LOC128092252: variants seen among roughly 807,000 people sequenced by gnomAD.
chr15:50,653,998 G>A, the LOC128092252 span, among the ~76,000 whole-genome samples: 1 of 151,990 alleles, frequency 6.6e-6, no homozygotes, highest in East Asian at 1.9e-4. Flanking sequence ...CCACATCCTA[G>A]GACTAAGTTC....
chr15:50,676,492 G>A, the LOC128092252 span, among the ~76,000 whole-genome samples: 3 of 152,082 alleles, frequency 2.0e-5, no homozygotes, highest in Non-Finnish European at 4.4e-5. Flanking sequence ...GCCAAGATGG[G>A]AGGACTGCTT....
the LOC128092252 span, among the ~76,000 whole-genome samples, chr15:50,652,058 T>G: frequency 6.0e-5 from 9 of 149,826 alleles, no homozygotes; most frequent in African/African-American, 2.0e-4. Context: ...ATGGGCCGGG[T>G]GCGGTGGCTC....
At chr15:50,679,513 TA>T in the LOC128092252 span, among the ~76,000 whole-genome samples, 1 of 61,878 alleles carries the variant, frequency 1.6e-5, no homozygotes, top group African/African-American at 1.0e-4. Flanking sequence ...ATATATATAA[TA>T]TATATATATA....
the LOC128092252 span, among the ~76,000 whole-genome samples, chr15:50,649,530 T>C: frequency 8.6e-5 from 13 of 151,616 alleles, no homozygotes; most frequent in East Asian, 2.5e-3. Flanking sequence ...AATGGATAAA[T>C]CTCAAAATCA....
the LOC128092252 span, among the ~76,000 whole-genome samples, chr15:50,656,485 T>C: frequency 6.6e-6 from 1 of 150,832 alleles, no homozygotes; most frequent in Non-Finnish European, 1.5e-5. Flanking sequence ...GCCAAGATTT[T>C]TGTGTGTGGT....
At chr15:50,652,328 C>CAAAA in the LOC128092252 span, among the ~76,000 whole-genome samples, 2 of 34,226 alleles carry the variant, frequency 5.8e-5, no homozygotes, top group African/African-American at 2.9e-4. Context: ...GACTCCATCT[C>CAAAA]AAAAAAAAAA....
chr15:50,685,446 G>A, the LOC128092252 span, among the ~76,000 whole-genome samples: 1 of 152,200 alleles, frequency 6.6e-6, no homozygotes, highest in African/African-American at 2.4e-5. Context: ...GACAGAGTGA[G>A]ACCCTGTCTC....
At chr15:50,652,328 CAAAAAAAAAA>C in the LOC128092252 span, among the ~76,000 whole-genome samples, 2 of 34,230 alleles carry the variant, frequency 5.8e-5, no homozygotes, top group Admixed American at 5.0e-4. Context: ...GACTCCATCT[CAAAAAAAAAA>C]AAAAAAAAAA....
the LOC128092252 span, among the ~76,000 whole-genome samples, chr15:50,670,862 G>C: frequency 3.5e-4 from 53 of 150,804 alleles, no homozygotes; most frequent in African/African-American, 1.3e-3. Context: ...CAACAACTCT[G>C]TGCCAAAACG....
chr15:50,663,111 C>T, the LOC128092252 span: 7 of 1,205,338 alleles, frequency 5.8e-6, no homozygotes, highest in Non-Finnish European at 8.4e-6. Context: ...GAAACAATTT[C>T]ATGATAAACA....
At chr15:50,657,801 T>C in the LOC128092252 span, 8 of 1,612,052 alleles carry the variant, frequency 5.0e-6, no homozygotes, top group African/African-American at 1.3e-5. Context: ...GCTGACAAAT[T>C]TGACATCCTG....
the LOC128092252 span, among the ~76,000 whole-genome samples, chr15:50,679,538 A>ATATATATTTTTTTTTTT: frequency 2.1e-4 from 9 of 43,892 alleles, no homozygotes; most frequent in African/African-American, 8.6e-4. Flanking sequence ...ATATATATAT[A>ATATATATTTTTTTTTTT]TTTTTTTTTT....
At chr15:50,653,463 G>C in the LOC128092252 span, among the ~76,000 whole-genome samples, 1 of 152,170 alleles carries the variant, frequency 6.6e-6, no homozygotes, top group African/African-American at 2.4e-5. Context: ...TGGAATCTAG[G>C]TGTGGTCTCG....
At chr15:50,663,137 T>C in the LOC128092252 span, 11 of 1,016,336 alleles carry the variant, frequency 1.1e-5, no homozygotes, top group African/African-American at 1.6e-4. Context: ...ACAGTTCTTT[T>C]TTTTTTTTGA....
chr15:50,672,322 C>T, the LOC128092252 span, among the ~76,000 whole-genome samples: 2 of 151,838 alleles, frequency 1.3e-5, no homozygotes, highest in Admixed American at 1.3e-4. Context: ...TCCCAAAGTG[C>T]TAGGATTACA....
the LOC128092252 span, among the ~76,000 whole-genome samples, chr15:50,665,896 G>A: frequency 1.3e-5 from 2 of 152,154 alleles, no homozygotes; most frequent in East Asian, 1.9e-4. Context: ...GAGAGACTGA[G>A]GCAGGAGAAC....
chr15:50,658,072 T>C, the LOC128092252 span, among the ~76,000 whole-genome samples: 9 of 150,498 alleles, frequency 6.0e-5, no homozygotes, highest in Non-Finnish European at 1.3e-4. Flanking sequence ...TGGCGCAATC[T>C]CAGCTCACTG....
chr15:50,668,599 C>T, the LOC128092252 span, among the ~76,000 whole-genome samples: 4 of 152,138 alleles, frequency 2.6e-5, no homozygotes, highest in Non-Finnish European at 5.9e-5. Flanking sequence ...ACTCTGCCTC[C>T]GGGGTCCAAG....
the LOC128092252 span, among the ~76,000 whole-genome samples, chr15:50,681,905 T>C: frequency 6.6e-6 from 1 of 152,102 alleles, no homozygotes; most frequent in Admixed American, 6.6e-5. Context: ...CATAAAAGAC[T>C]GTGCGGTGGC....
Sources: gnomAD v4.1 joint callset for allele counts (sites outside exome capture counted in the v4.1 genomes callset) on GRCh38, gnomAD v4.1.1 for gene constraint, MANE v1.5 for transcripts.